Variants in LGALS13 observed in about 807,000 individuals in gnomAD.
The protein encoded by LGALS13 is galactoside-binding soluble lectin 13.
LGALS13 carries 11 observed loss-of-function variants against 13.2 expected under a neutral mutation model. That is an observed-to-expected ratio of 0.83 (90% CI 0.52 to 1.38). The LOEUF (loss-of-function observed/expected upper bound fraction) is 1.38. Ranked by LOEUF, LGALS13 falls within the 40% of genes most tolerant of loss-of-function variation. The probability of loss-of-function intolerance (pLI) is 0.00; values close to 1 mark genes in which losing one functional copy is unlikely to be tolerated. For missense variants in LGALS13, 183 were observed against 174.3 expected (o/e 1.05, Z -0.28); for synonymous variants, 71 against 63.7 (o/e 1.11, Z -0.54).
intron 3 of LGALS13, among the ~76,000 whole-genome samples, chr19:39,606,003 C>T (rs572809473): frequency 1.3e-5 from 2 of 152,152 alleles, no homozygotes; most frequent in African/African-American, 2.4e-5. Flanking sequence ...TGTGCCAGCA[C>T]ACCTGGCTAA....
intron 2 of LGALS13, 120 bp from the exon 3 acceptor site, chr19:39,605,058 A>T: frequency 1.2e-6 from 1 of 845,294 alleles, no homozygotes. Flanking sequence ...GGACCTGGCC[A>T]TCAGTATTAT....
Position 39,607,205 on chromosome 19 carries a change from G to C in LGALS13, c.304-18G>C. 6.3e-7 allele frequency: 1 copy of C among 1,582,714 alleles called. No homozygotes were observed. Among genetic ancestry groups the C allele is most frequent in the Non-Finnish European group, 8.7e-7 (1 of 1,151,372 alleles). On this transcript the variant is annotated intron_variant, in intron 3 of 3. Transcript: ENST00000221797. The stretch of plus-strand genomic sequence containing the variant: ...TTTGGTGGCATGCTTTCTTTCTGAT[G>C]CATTTTTCCTCTTGTAGATAAAGGT...
intron 3 of LGALS13, among the ~76,000 whole-genome samples, chr19:39,605,907 C>T (rs1391133049): frequency 6.6e-6 from 1 of 152,098 alleles, no homozygotes; most frequent in Non-Finnish European, 1.5e-5. Flanking sequence ...AGTGCAGTGG[C>T]ATGATATCAG....
Position 39,607,418 on chromosome 19 carries a change from A to AT in LGALS13, c.*80dup. ...GGGATTCCCAGAACCTGCTAACAGA[A>AT]TAATCCCTGCTCACATTTTCCCCTA... On this transcript the variant is annotated 3_prime_UTR_variant, in exon 4 of 4. Coordinates refer to ENST00000221797, the MANE Select transcript of LGALS13 (RefSeq NM_013268.3). 1.1e-6 allele frequency: 1 copy of AT among 919,998 alleles called. No homozygotes were observed. Among genetic ancestry groups the AT allele is most frequent in the East Asian group, 2.4e-5 (1 of 41,404 alleles). 57.0% of individuals were successfully genotyped at this position (919,998 alleles called of 1,614,324 possible). A position where few individuals can be genotyped will look rare whatever the true frequency, so the allele number is the denominator to read the frequency against.
intron 3 of LGALS13, among the ~76,000 whole-genome samples, chr19:39,605,635 A>G (rs1047736573): frequency 3.3e-5 from 5 of 152,016 alleles, no homozygotes; most frequent in African/African-American, 1.2e-4. Context: ...GTCTTTTCAC[A>G]TACTGCTCAT....
At chr19:39,603,420 C>A (rs192660024) in intron 1 of LGALS13, among the ~76,000 whole-genome samples, 276 of 151,922 alleles carry the variant, frequency 1.8e-3, no homozygotes, top group Admixed American at 0.017. Flanking sequence ...TAGGGAAGGA[C>A]ATTAGAGGCC....
Position 39,607,410 on chromosome 19 carries a change from C to G in LGALS13, c.*71C>G. 2.0e-6 allele frequency: 2 copies of G among 985,298 alleles called. No homozygotes were observed. Among genetic ancestry groups the G allele is most frequent in the Non-Finnish European group, 3.3e-6 (2 of 608,082 alleles). 61.0% of individuals were successfully genotyped at this position (985,298 alleles called of 1,614,324 possible). On this transcript the variant is annotated 3_prime_UTR_variant, in exon 4 of 4. Coordinates refer to ENST00000221797, the MANE Select transcript of LGALS13 (RefSeq NM_013268.3). ...CTGACCATGGGATTCCCAGAACCTG[C>G]TAACAGAATAATCCCTGCTCACATT...
At chr19:39,605,130 C>A in intron 2 of LGALS13, 48 bp from the exon 3 acceptor site, 1 of 1,462,016 alleles carries the variant, frequency 6.8e-7, no homozygotes, top group Non-Finnish European at 9.6e-7. Flanking sequence ...GAGTGTGTGT[C>A]TGCGCAAGGG....
rs1055930518 is a variant in LGALS13, at chr19:39,607,425, C to T, written c.*86C>T. 2.1e-5 allele frequency: 19 copies of T among 891,686 alleles called. No homozygotes were observed. Among genetic ancestry groups the T allele is most frequent in the Non-Finnish European group, 2.8e-5 (15 of 527,238 alleles). The allele number at this position is 891,686 out of a possible 1,614,324, so 55.2% of individuals were successfully genotyped here. The stretch of plus-strand genomic sequence containing the variant: ...CCAGAACCTGCTAACAGAATAATCC[C>T]TGCTCACATTTTCCCCTACACTTTG... On this transcript the variant is annotated 3_prime_UTR_variant, in exon 4 of 4. Coordinates refer to ENST00000221797, the MANE Select transcript of LGALS13 (RefSeq NM_013268.3).
chr19:39,606,220 G>T (rs988433859), intron 3 of LGALS13, among the ~76,000 whole-genome samples: 1 of 152,134 alleles, frequency 6.6e-6, no homozygotes, highest in Non-Finnish European at 1.5e-5. Context: ...GCAAATCCTG[G>T]TATAAGTTGC....
At chr19:39,603,615 G>A (rs1972634969) in intron 1 of LGALS13, among the ~76,000 whole-genome samples, 2 of 152,004 alleles carry the variant, frequency 1.3e-5, no homozygotes, top group Admixed American at 1.3e-4. Context: ...AATTTTGGAG[G>A]CAAAGATGAG....
intron 1 of LGALS13, among the ~76,000 whole-genome samples, 177 bp downstream of exon 1, chr19:39,602,760 G>A (rs939370834): frequency 4.6e-5 from 7 of 152,302 alleles, no homozygotes; most frequent in Non-Finnish European, 1.0e-4. Flanking sequence ...TGGGGATTGC[G>A]GTGTGGACCC....
chr19:39,604,134 T>C (rs1428527190), intron 1 of LGALS13: 1 of 372,202 alleles, frequency 2.7e-6, no homozygotes, highest in Non-Finnish European at 3.7e-6. Context: ...TTACAAGTCT[T>C]GTTTTAATTT....
Position 39,605,114 on chromosome 19 carries a change from T to C in LGALS13, c.93-64T>C, listed in dbSNP as rs559747573. 32 of 1,291,358 alleles carry C rather than the reference T, an allele frequency of 2.5e-5. No individual in the cohort carries two copies. The African/African-American group carries it at 4.5e-4, about 18-fold the overall frequency. 80.0% of individuals were successfully genotyped at this position (1,291,358 alleles called of 1,614,324 possible). A position where few individuals can be genotyped will look rare whatever the true frequency, so the allele number is the denominator to read the frequency against. On this transcript the variant is annotated intron_variant, in intron 2 of 3. Transcript: ENST00000221797. ...GTAAATGGGGGAAGGGATTTGTGTG[T>C]GTGTCGAGTGTGTGTCTGCGCAAGG...
intron 1 of LGALS13, chr19:39,603,894 G>T (rs1972640367): frequency 1.0e-6 from 1 of 966,620 alleles, no homozygotes; most frequent in Non-Finnish European, 1.2e-6. Context: ...AGTCATCATA[G>T]AAATCAATCA....
intron 3 of LGALS13, among the ~76,000 whole-genome samples, chr19:39,606,511 AC>A (rs1326792588): frequency 6.6e-6 from 1 of 152,210 alleles, no homozygotes; most frequent in East Asian, 1.9e-4. Flanking sequence ...AAATGGAAAA[AC>A]TGGCTCAAAA....
chr19:39,603,859 C>T (rs1237717789), intron 1 of LGALS13: 1 of 851,586 alleles, frequency 1.2e-6, no homozygotes, highest in East Asian at 1.2e-4. Flanking sequence ...CTCAAAAGTA[C>T]AGAAAAATCA....
chr19:39,604,991 A>G, intron 2 of LGALS13, 187 bp from the exon 3 acceptor site: 1 of 685,678 alleles, frequency 1.5e-6, no homozygotes, highest in Non-Finnish European at 2.6e-6. Flanking sequence ...TCATCTGGGG[A>G]TGAGGAGCAC....
chr19:39,604,154 A>G (rs1308634356), intron 1 of LGALS13: 2 of 289,826 alleles, frequency 6.9e-6, no homozygotes, highest in Non-Finnish European at 1.0e-5. Context: ...TTCAGAGTTG[A>G]AAATGAAGGC....
Sources: allele counts gnomAD v4.1 joint callset (sites outside exome capture counted in the v4.1 genomes callset), GRCh38; gene constraint gnomAD v4.1.1; transcripts MANE v1.5; gene names NCBI Gene and HGNC (gene_info 2026-07-23, HGNC 2026-07-21).